Variants in KCNT2 observed in about 807,000 individuals in gnomAD.
The protein encoded by KCNT2 is potassium channel subfamily T member 2.
Under a neutral mutation model 153.8 loss-of-function variants are expected in KCNT2, and 67 were observed. The observed-to-expected ratio is 0.44, with a 90% CI of 0.36 to 0.53. KCNT2 has a LOEUF of 0.53. Ranked by LOEUF, KCNT2 falls within the 20% of genes least tolerant of loss-of-function variation. The probability of loss-of-function intolerance (pLI) is 0.00; values close to 1 mark genes in which losing one functional copy is unlikely to be tolerated. For synonymous variants in KCNT2, 500 were observed against 458.8 expected (o/e 1.09, Z -1.15); for missense variants, 975 against 1,354.8 (o/e 0.72, Z 4.40).
chr1:196,496,414 G>A (rs1181241728), intron 1 of KCNT2, among the ~76,000 whole-genome samples: 1 of 150,832 alleles, frequency 6.6e-6, no homozygotes, highest in East Asian at 2.0e-4. Flanking sequence ...GTTGCAGTGA[G>A]CCGAGATCGT....
At chr1:196,450,067 T>C (rs903980693) in intron 8 of KCNT2, among the ~76,000 whole-genome samples, 2 of 151,894 alleles carry the variant, frequency 1.3e-5, no homozygotes, top group Non-Finnish European at 2.9e-5. Flanking sequence ...TTTAGTAATA[T>C]GGTTCTTTAT....
At chr1:196,371,824 TA>T (rs1668564327) in intron 14 of KCNT2, among the ~76,000 whole-genome samples, 2 of 152,052 alleles carry the variant, frequency 1.3e-5, no homozygotes, top group Admixed American at 1.3e-4. Flanking sequence ...CAGTCATGAG[TA>T]ATGAGCTGTG....
At position 196,429,464 on chromosome 1, in the gene KCNT2, T is replaced by C. The variant is rs534919771; in HGVS notation, c.819+113A>G. On this transcript the variant is annotated intron_variant, in intron 9 of 27. Coordinates refer to ENST00000294725, the MANE Select transcript of KCNT2 (RefSeq NM_198503.5). ...ATTGATTAAATGTAATGATAGTATG[T>C]GTTAGTAAATTAGTGTTAGATAAAT... 1.8e-5 allele frequency: 10 copies of C among 558,638 alleles called. No individual in the cohort carries two copies. In the South Asian group the frequency reaches 3.6e-4, roughly 20 times the overall value. 34.6% of individuals were successfully genotyped at this position (558,638 alleles called of 1,614,324 possible). A position where few individuals can be genotyped will look rare whatever the true frequency, so the allele number is the denominator to read the frequency against.
intron 14 of KCNT2, among the ~76,000 whole-genome samples, chr1:196,352,655 A>G (rs1272038886): frequency 6.6e-6 from 1 of 152,052 alleles, no homozygotes; most frequent in Non-Finnish European, 1.5e-5. Flanking sequence ...TCAAAAAACC[A>G]GCTCCTGGAT....
chr1:196,423,503 T>C (rs1244338638), intron 11 of KCNT2, among the ~76,000 whole-genome samples: 1 of 151,822 alleles, frequency 6.6e-6, no homozygotes, highest in Non-Finnish European at 1.5e-5. Context: ...ATACAGCTCC[T>C]CTGTATTCAT....
At chr1:196,312,896 A>G (rs944088413) in intron 21 of KCNT2, among the ~76,000 whole-genome samples, 4 of 151,690 alleles carry the variant, frequency 2.6e-5, no homozygotes, top group African/African-American at 9.7e-5. Context: ...TAGTTGTCTG[A>G]TGCTTACTGA....
chr1:196,382,551 A>G (rs1335582071), intron 13 of KCNT2, among the ~76,000 whole-genome samples: 1 of 152,172 alleles, frequency 6.6e-6, no homozygotes, highest in Non-Finnish European at 1.5e-5. Context: ...AGAAATCTAA[A>G]GATTAAGGAA....
Position 196,481,529 on chromosome 1 carries a change from C to G in KCNT2, c.324+802G>C, listed in dbSNP as rs531369869. ...AAGCAGTGAGTCTTAAAGTCTTTCT[C>G]TTTCCTCCAGACTCAAGTGTCTTCC... On this transcript the variant is annotated intron_variant, in intron 4 of 27. Coordinates refer to ENST00000294725, the MANE Select transcript of KCNT2 (RefSeq NM_198503.5). 2.6e-5 allele frequency among the ~76,000 whole-genome samples: 4 copies of G among 152,328 alleles called. No homozygotes were observed. The East Asian group carries it at 7.7e-4, about 29-fold the overall frequency.
intron 16 of KCNT2, among the ~76,000 whole-genome samples, chr1:196,334,495 T>TTTTTTTTTTTTTTTTTTTTTTTTTTTTC (rs1489726587): frequency 7.1e-6 from 1 of 141,672 alleles, no homozygotes; most frequent in South Asian, 2.3e-4. Context: ...TTCTTTTTTT[T>TTTTTTTTTTTTTTTTTTTTTTTTTTTTC]TTTTAAGACA....
Position 196,597,268 on chromosome 1 carries a change from TA to T in KCNT2, c.95+10946del, listed in dbSNP as rs143356142. On this transcript the variant is annotated intron_variant, in intron 1 of 27. Coordinates refer to ENST00000294725, the MANE Select transcript of KCNT2 (RefSeq NM_198503.5). ...TATTATTAATCAAAGCCACCTACAC[TA>T]AAAAAAAAAGGTTTTTAAGGAAGAT... 4.6e-3 allele frequency among the ~76,000 whole-genome samples: 652 copies of T among 142,450 alleles called. 11 individuals carry two copies. The highest frequency in any genetic ancestry group is 3.0e-3 in the African/African-American group (120 of 40,060). 93.5% of individuals were successfully genotyped at this position (142,450 alleles called of 152,430 possible).
chr1:196,346,960 C>T (rs570746917), intron 14 of KCNT2, among the ~76,000 whole-genome samples: 1 of 152,186 alleles, frequency 6.6e-6, no homozygotes, highest in South Asian at 2.1e-4. Context: ...TCCTGGTAAT[C>T]TATGAGATAT....
At chr1:196,517,482 T>A (rs1228634913) in intron 1 of KCNT2, among the ~76,000 whole-genome samples, 1 of 152,128 alleles carries the variant, frequency 6.6e-6, no homozygotes, top group African/African-American at 2.4e-5. Context: ...ATCACCAAGA[T>A]GCAGGAGAAC....
chr1:196,482,966 A>G lies in KCNT2; in HGVS notation c.276-587T>C, dbSNP rs894843448. Reference sequence around the variant, plus strand: ...TAAAAAGGCTTATGCTCTGGAAAGAACATCATAACACTTATTATCCCTCTA... The same window carrying G: ...TAAAAAGGCTTATGCTCTGGAAAGAGCATCATAACACTTATTATCCCTCTA... On this transcript the variant is annotated intron_variant, in intron 3 of 27. Transcript: ENST00000294725. 5.3e-5 allele frequency among the ~76,000 whole-genome samples: 8 copies of G among 152,290 alleles called. No individual in the cohort carries two copies. In the South Asian group the frequency reaches 1.7e-3, roughly 32 times the overall value.
chr1:196,280,295 T>C (rs1658973029), intron 25 of KCNT2, among the ~76,000 whole-genome samples: 1 of 152,204 alleles, frequency 6.6e-6, no homozygotes, highest in African/African-American at 2.4e-5. Flanking sequence ...TCTCCTTCCA[T>C]ACTAACAAGA....
intron 1 of KCNT2, among the ~76,000 whole-genome samples, chr1:196,583,978 G>A (rs922229490): frequency 3.3e-5 from 5 of 151,900 alleles, no homozygotes; most frequent in Admixed American, 3.3e-4. Context: ...GTTACATGGT[G>A]GGATGTTGCC....
intron 27 of KCNT2, 97 bp downstream of exon 27, chr1:196,235,889 G>GA (rs948136681): frequency 1.4e-5 from 10 of 704,794 alleles, no homozygotes; most frequent in Non-Finnish European, 2.4e-5. Context: ...GCACTTATAA[G>GA]AAAAATAAGA....
intron 19 of KCNT2, among the ~76,000 whole-genome samples, chr1:196,324,680 T>A (rs2148062129): frequency 6.6e-6 from 1 of 152,160 alleles, no homozygotes; most frequent in African/African-American, 2.4e-5. Context: ...CTTTATTGAA[T>A]AATCTTTATG....
chr1:196,373,474 A>G (rs898074001), intron 13 of KCNT2, among the ~76,000 whole-genome samples: 1 of 151,866 alleles, frequency 6.6e-6, no homozygotes, highest in African/African-American at 2.4e-5. Flanking sequence ...GTCTCAACAA[A>G]TTTAGCAACC....
intron 12 of KCNT2, 131 bp downstream of exon 12, chr1:196,422,919 A>G (rs1475413825): frequency 1.9e-6 from 1 of 526,560 alleles, no homozygotes; most frequent in Middle Eastern, 4.4e-4. Context: ...TAGCTCAGTA[A>G]TATTTGTTTC....
Sources: allele counts gnomAD v4.1 joint callset (sites outside exome capture counted in the v4.1 genomes callset), GRCh38; gene constraint gnomAD v4.1.1; transcripts MANE v1.5; gene names NCBI Gene and HGNC (gene_info 2026-07-23, HGNC 2026-07-21).